RTN4R: variants seen among roughly 807,000 people sequenced by gnomAD.
The protein encoded by RTN4R is reticulon-4 receptor.
In RTN4R, 4 loss-of-function variants were observed where a neutral mutation model predicts 27.7. That is an observed-to-expected ratio of 0.14 (90% CI 0.07 to 0.33). The LOEUF (loss-of-function observed/expected upper bound fraction) is 0.33. RTN4R is among the 10% of genes least tolerant of loss of function. The probability of loss-of-function intolerance (pLI) is 1.00; values close to 1 mark genes in which losing one functional copy is unlikely to be tolerated. For missense variants in RTN4R, 554 were observed against 671.5 expected, an observed-to-expected ratio of 0.83 and a Z score of 1.93; for synonymous variants, 290 against 305.6, an observed-to-expected ratio of 0.95 and a Z score of 0.53.
chr22:20,246,397 C>T (rs953727259), intron 1 of RTN4R, among the ~76,000 whole-genome samples: 23 of 151,592 alleles, frequency 1.5e-4, no homozygotes, highest in Non-Finnish European at 3.4e-4. Context: ...ACCATCAGTT[C>T]TGGTGAGTGG....
At chr22:20,260,649 C>T (rs2051240715) in intron 1 of RTN4R, among the ~76,000 whole-genome samples, 1 of 152,132 alleles carries the variant, frequency 6.6e-6, no homozygotes, top group Non-Finnish European at 1.5e-5. Flanking sequence ...GGCAGGTGGC[C>T]CACCCTCCCA....
Position 20,255,993 on chromosome 22 carries a change from A to G in RTN4R, c.22+12078T>C, listed in dbSNP as rs1340053480. On this transcript the variant is annotated intron_variant, in intron 1 of 1. Coordinates refer to ENST00000043402, the MANE Select transcript of RTN4R (RefSeq NM_023004.6). The surrounding 1 kb of genome is among the most constrained non-coding windows in gnomAD (Gnocchi z 4.8). The stretch of plus-strand genomic sequence containing the variant: ...AATTATTCCTATATGATTGTGTGTG[A>G]TAACTCTTCCTTATTTGAAATCAAT... Among the ~76,000 whole-genome samples the G allele has an allele frequency of 2.6e-5, 4 of 152,262 alleles. No homozygotes were observed. Among genetic ancestry groups the G allele is most frequent in the Non-Finnish European group, 4.4e-5 (3 of 68,052 alleles).
rs117998532 is a variant in RTN4R at position 20,254,097 on chromosome 22, G to A, written c.23-10987C>T. On this transcript the variant is annotated intron_variant, in intron 1 of 1. Coordinates refer to ENST00000043402, the MANE Select transcript of RTN4R (RefSeq NM_023004.6). ...CACTTTCAGGCCCCCAGGGGTCAAGGGAAGTCTGAAGCTCCAGGAGGAGAA... is the reference window on the plus strand; with the variant it reads ...CACTTTCAGGCCCCCAGGGGTCAAGAGAAGTCTGAAGCTCCAGGAGGAGAA... Among the ~76,000 whole-genome samples, 513 of 152,194 alleles carry A rather than the reference G, an allele frequency of 3.4e-3. 7 individuals carry two copies. The East Asian group carries it at 0.062, about 18-fold the overall frequency.
chr22:20,257,549 A>T (rs2051218931), intron 1 of RTN4R, among the ~76,000 whole-genome samples: 1 of 152,174 alleles, frequency 6.6e-6, no homozygotes, highest in Admixed American at 6.5e-5. Context: ...CTTCCACCAG[A>T]ACCAGCCCAT....
At chr22:20,267,999 C>T in intron 1 of RTN4R, 72 bp downstream of exon 1, 2 of 941,564 alleles carry the variant, frequency 2.1e-6, no homozygotes, top group East Asian at 4.4e-5. Context: ...CCCTGCGGCT[C>T]CGGGGAGGGG....
Position 20,243,436 on chromosome 22 carries a change from C to T in RTN4R, c.23-326G>A, listed in dbSNP as rs55943359. 3,219 of 606,116 alleles carry T rather than the reference C, an allele frequency of 5.3e-3. 24 individuals are homozygous for T. Among genetic ancestry groups the T allele is most frequent in the South Asian group, 0.011 (695 of 65,748 alleles). 37.5% of individuals were successfully genotyped at this position (606,116 alleles called of 1,614,324 possible). On this transcript the variant is annotated intron_variant, in intron 1 of 1. Transcript: ENST00000043402. ...GGCCTCCTGGAATGGACACTGGTGA[C>T]TGCAGGTACCTCCTCAGGACTCCAG...
rs761286617 is a variant in RTN4R, at chr22:20,242,392, G to A, written c.741C>T (p.Ala247=). ...NLSALPTEAL[A]PLRALQYLRL... ...TCAGGTACTGCAGGGCACGCAGGGGGGCCAGGGCCTCAGTGGGCAGCGCTG... is the reference window on the plus strand; with the variant it reads ...TCAGGTACTGCAGGGCACGCAGGGGAGCCAGGGCCTCAGTGGGCAGCGCTG... The change falls in exon 2 of 2, where the codon GCC becomes GCT. Residue 247 remains alanine, a synonymous_variant. Coordinates refer to ENST00000043402, the MANE Select transcript of RTN4R (RefSeq NM_023004.6). 6.2e-7 allele frequency: 1 copy of A among 1,613,154 alleles called. No individual in the cohort carries two copies. Among genetic ancestry groups the A allele is most frequent in the South Asian group, 1.1e-5 (1 of 91,088 alleles).
rs1396267454 is a variant in RTN4R at position 20,241,508 on chromosome 22, C to T, written c.*203G>A. On this transcript the variant is annotated 3_prime_UTR_variant, in exon 2 of 2. Coordinates refer to ENST00000043402, the MANE Select transcript of RTN4R (RefSeq NM_023004.6). ...TATATACCGCGATCTGGGTGGGAGG[C>T]GGCGTTCTGGAACAAACGCTGCCGC... 1.0e-5 allele frequency: 6 copies of T among 602,410 alleles called. No individual in the cohort carries two copies. Among genetic ancestry groups the T allele is most frequent in the Middle Eastern group, 4.4e-4 (1 of 2,274 alleles). The allele number at this position is 602,410 out of a possible 1,614,324, so 37.3% of individuals were successfully genotyped here. A position where few individuals can be genotyped will look rare whatever the true frequency, so the allele number is the denominator to read the frequency against.
chr22:20,266,897 C>T (rs1413520335), intron 1 of RTN4R, among the ~76,000 whole-genome samples: 5 of 152,246 alleles, frequency 3.3e-5, no homozygotes, highest in African/African-American at 4.8e-5. Context: ...CACACAAGCC[C>T]GAGGCGGGGA....
intron 1 of RTN4R, among the ~76,000 whole-genome samples, chr22:20,247,063 G>A (rs550445140): frequency 6.6e-6 from 1 of 152,324 alleles, no homozygotes; most frequent in Admixed American, 6.5e-5. Context: ...CTAGTAATGG[G>A]GGAGGGTGTG....
intron 1 of RTN4R, among the ~76,000 whole-genome samples, chr22:20,251,480 T>C (rs950965407): frequency 3.3e-5 from 5 of 151,492 alleles, no homozygotes; most frequent in African/African-American, 1.2e-4. Context: ...GTCCTTGTTA[T>C]CATCATTGTA....
intron 1 of RTN4R, among the ~76,000 whole-genome samples, chr22:20,247,269 G>T (rs1026226064): frequency 6.6e-6 from 1 of 152,126 alleles, no homozygotes; most frequent in Non-Finnish European, 1.5e-5. Context: ...GGATCCTCTC[G>T]GACACCAGCC....
At chr22:20,259,617 G>A (rs1322850170) in intron 1 of RTN4R, among the ~76,000 whole-genome samples, 2 of 152,122 alleles carry the variant, frequency 1.3e-5, no homozygotes, top group Admixed American at 6.5e-5. Flanking sequence ...AGCCCTCCAA[G>A]CATCTCACCC....
intron 1 of RTN4R, among the ~76,000 whole-genome samples, chr22:20,263,100 T>C (rs916260044): frequency 1.3e-5 from 2 of 152,172 alleles, no homozygotes; most frequent in South Asian, 2.1e-4. Context: ...TGCAAAGAAA[T>C]AGAGTCATAA....
chr22:20,266,606 T>A (rs938855502), intron 1 of RTN4R, among the ~76,000 whole-genome samples: 1 of 152,180 alleles, frequency 6.6e-6, no homozygotes, highest in Non-Finnish European at 1.5e-5. Flanking sequence ...AAATGGGTCT[T>A]CCCTGCCCAG....
intron 1 of RTN4R, among the ~76,000 whole-genome samples, chr22:20,258,168 G>A (rs1170071904): frequency 1.3e-5 from 2 of 152,160 alleles, no homozygotes; most frequent in African/African-American, 4.8e-5. Context: ...CATCCTACCT[G>A]GCCCTGACGC....
At position 20,263,167 on chromosome 22, in the gene RTN4R, C is replaced by G. The variant is rs2051257516; in HGVS notation, c.22+4904G>C. Among the ~76,000 whole-genome samples, 3 of 152,342 alleles carry G rather than the reference C, an allele frequency of 2.0e-5. No individual in the cohort carries two copies. The South Asian group carries it at 6.2e-4, about 32-fold the overall frequency. On this transcript the variant is annotated intron_variant, in intron 1 of 1. Coordinates refer to ENST00000043402, the MANE Select transcript of RTN4R (RefSeq NM_023004.6). Reference sequence around the variant, plus strand: ...ATTGCTGGGAGAAGCAGTGGTCCCTCCACCCACTGGGCGCCCCGTGGGTGC... The same window carrying G: ...ATTGCTGGGAGAAGCAGTGGTCCCTGCACCCACTGGGCGCCCCGTGGGTGC...
chr22:20,245,190 G>A (rs953956078), intron 1 of RTN4R, among the ~76,000 whole-genome samples: 2 of 152,198 alleles, frequency 1.3e-5, no homozygotes, highest in East Asian at 3.9e-4. Flanking sequence ...GAGTGGCCAC[G>A]TGGCGCTCAG....
At chr22:20,268,014 GCCGCCCCCCT>G in intron 1 of RTN4R, 47 bp downstream of exon 1, 1 of 1,057,698 alleles carries the variant, frequency 9.5e-7, no homozygotes, top group Non-Finnish European at 1.2e-6. Context: ...GAGGGGGCGA[GCCGCCCCCCT>G]CCGCGCCCCG....
Sources: allele counts gnomAD v4.1 joint callset (sites outside exome capture counted in the v4.1 genomes callset), GRCh38; gene constraint gnomAD v4.1.1; non-coding constraint Gnocchi (gnomAD v3.1); transcripts MANE v1.5; gene names NCBI Gene and HGNC (gene_info 2026-07-23, HGNC 2026-07-21).